The following RRM2 variants were observed in gnomAD, a reference collection of about 807,000 sequenced individuals.
RRM2 encodes the protein ribonucleoside-diphosphate reductase subunit M2.
In RRM2, 6 loss-of-function variants were observed where a neutral mutation model predicts 45.9. That is an observed-to-expected ratio of 0.13 (90% CI 0.07 to 0.26). RRM2 has a LOEUF of 0.26. Ranked by LOEUF, RRM2 falls within the 10% of genes least tolerant of loss-of-function variation. RRM2 has a pLI of 1.00. For synonymous variants in RRM2, 177 were observed against 173.0 expected (o/e 1.02, Z -0.18); for missense variants, 343 against 489.5 (o/e 0.70, Z 2.82).
chr2:10,125,719 A>G (rs1240308116), intron 5 of RRM2, among the ~76,000 whole-genome samples: 1 of 152,208 alleles, frequency 6.6e-6, no homozygotes, highest in Non-Finnish European at 1.5e-5. Flanking sequence ...GGGGACCAGA[A>G]CCTTGTATGG....
rs1425037206 is a variant in RRM2, at chr2:10,204,587, C to G, written n.483-5724C>G. On this transcript the variant is annotated intron_variant and non_coding_transcript_variant, in intron 3 of 3. Coordinates refer to the RRM2 transcript ENST00000381786. This position sits in a 1 kb window ranked among gnomAD's most constrained non-coding sequence, Gnocchi z 4.0. ...TGGGTGCAGGGAGGTGCGGTTTGCT[C>G]TCAGAGGAGCAGCTAGCTGGGAGCA... 1.3e-5 allele frequency among the ~76,000 whole-genome samples: 2 copies of G among 152,202 alleles called. No individual in the cohort carries two copies. Among genetic ancestry groups the G allele is most frequent in the Non-Finnish European group, 2.9e-5 (2 of 68,038 alleles).
At chr2:10,148,940 G>A (rs1011955127) in intron 3 of RRM2, among the ~76,000 whole-genome samples, 8 of 152,022 alleles carry the variant, frequency 5.3e-5, no homozygotes, top group African/African-American at 1.7e-4. Context: ...CCTCAGTCTT[G>A]TTCTCAGTGT....
rs184693492 is a variant in RRM2, at chr2:10,173,688, C to T, written n.482+31313C>T. Among the ~76,000 whole-genome samples the T allele has an allele frequency of 2.3e-4, 35 of 152,394 alleles. No individual in the cohort carries two copies. The East Asian group carries it at 6.6e-3, about 29-fold the overall frequency. On this transcript the variant is annotated intron_variant and non_coding_transcript_variant, in intron 3 of 3. Coordinates refer to the RRM2 transcript ENST00000381786. ...TCCGCGGGCACCCCCGATGCACAGTCTCCTTCTGGGCTTCTGATGGCCACA... is the reference window on the plus strand; with the variant it reads ...TCCGCGGGCACCCCCGATGCACAGTTTCCTTCTGGGCTTCTGATGGCCACA...
chr2:10,125,921 C>T (rs1662768248), intron 5 of RRM2, among the ~76,000 whole-genome samples: 1 of 151,900 alleles, frequency 6.6e-6, no homozygotes, highest in Non-Finnish European at 1.5e-5. Context: ...AGAAGGGGAA[C>T]AGGAAGGTCT....
intron 3 of RRM2, among the ~76,000 whole-genome samples, chr2:10,184,395 G>A (rs1258280236): frequency 6.6e-6 from 1 of 152,240 alleles, no homozygotes; most frequent in Non-Finnish European, 1.5e-5. Context: ...TCCTGGGAGT[G>A]GGGGGACCAA....
upstream of RRM2, among the ~76,000 whole-genome samples, chr2:10,137,141 C>T (rs1048638205): frequency 7.9e-5 from 12 of 152,340 alleles, no homozygotes; most frequent in African/African-American, 2.4e-4. Context: ...GCACAGCCAC[C>T]GTGGGGCAGA....
chr2:10,173,567 A>AC (rs1023641362), intron 3 of RRM2, among the ~76,000 whole-genome samples: 1 of 151,792 alleles, frequency 6.6e-6, no homozygotes, highest in Admixed American at 6.6e-5. Context: ...TCTTCCCACC[A>AC]CCCCTGGGCA....
intron 3 of RRM2, among the ~76,000 whole-genome samples, chr2:10,180,407 TA>T (rs1008596881): frequency 4.6e-5 from 7 of 152,076 alleles, no homozygotes; most frequent in African/African-American, 1.7e-4. Flanking sequence ...ACCAAATGGT[TA>T]AAAAAAATTC....
chr2:10,195,173 C>T lies in RRM2; in HGVS notation n.483-15138C>T, dbSNP rs1443580277. ...CTGGGGAGCTACCGAGGGCAACAGG[C>T]ATGTTCTGGAAGACCCACCGTCTGA... is the stretch of plus-strand genomic sequence containing the variant. On this transcript the variant is annotated intron_variant and non_coding_transcript_variant, in intron 3 of 3. Transcript: ENST00000381786. The surrounding 1 kb of genome is among the most constrained non-coding windows in gnomAD (Gnocchi z 4.9). 6.6e-6 allele frequency among the ~76,000 whole-genome samples: 1 copy of T among 152,182 alleles called. No individual in the cohort carries two copies. Among genetic ancestry groups the T allele is most frequent in the South Asian group, 2.1e-4 (1 of 4,812 alleles).
chr2:10,126,008 C>T (rs751444885), intron 5 of RRM2, among the ~76,000 whole-genome samples: 8 of 151,598 alleles, frequency 5.3e-5, no homozygotes, highest in East Asian at 1.9e-4. Context: ...AAAGAATGAA[C>T]GACAGCTGGG....
At chr2:10,151,096 C>T (rs1375091469) in intron 3 of RRM2, among the ~76,000 whole-genome samples, 3 of 152,092 alleles carry the variant, frequency 2.0e-5, no homozygotes, top group African/African-American at 4.8e-5. Context: ...TACAGGCATG[C>T]GCCACCACGC....
chr2:10,161,666 GCACACACACACATTCACACA>G (rs1314201242), intron 3 of RRM2, among the ~76,000 whole-genome samples: 1 of 147,376 alleles, frequency 6.8e-6, no homozygotes, highest in Non-Finnish European at 1.5e-5. Flanking sequence ...TCACACTCAT[GCACACACACACATTCACACA>G]CACACACACA....
intron 3 of RRM2, among the ~76,000 whole-genome samples, chr2:10,162,551 G>A (rs986767156): frequency 2.6e-5 from 4 of 152,118 alleles, no homozygotes; most frequent in South Asian, 2.1e-4. Flanking sequence ...CGATGCACCC[G>A]CTGTTTAGTG....
chr2:10,172,982 C>G lies in RRM2; in HGVS notation n.482+30607C>G, dbSNP rs996382198. Among the ~76,000 whole-genome samples the G allele has an allele frequency of 6.6e-6, 1 of 152,212 alleles. No individual in the cohort carries two copies. On this transcript the variant is annotated intron_variant and non_coding_transcript_variant, in intron 3 of 3. Transcript: ENST00000381786. This position sits in a 1 kb window ranked among gnomAD's most constrained non-coding sequence, Gnocchi z 4.9. ...CAGTTTCCTTCGCCGTCTTCCTTGT[C>G]TGTCCTCTCCTGCCGCCTCCATTCA... is the stretch of plus-strand genomic sequence containing the variant.
At chr2:10,190,732 C>T (rs111770811) in intron 3 of RRM2, among the ~76,000 whole-genome samples, 1 of 3,246 alleles carries the variant, frequency 3.1e-4, no homozygotes, top group African/African-American at 6.9e-4. Context: ...ATGATCTTGG[C>T]GGTGATGGTG....
rs1043499207 is a variant in RRM2, at chr2:10,169,988, C to T, written n.482+27613C>T. Among the ~76,000 whole-genome samples, 1 of 152,184 alleles carries T rather than the reference C, an allele frequency of 6.6e-6. No homozygotes were observed. The highest frequency in any genetic ancestry group is 1.5e-5 in the Non-Finnish European group (1 of 68,038). ...TGGTTCTGATCCAGATTCTGGTACC[C>T]GAGTGAGCTAGGCCACGGGAGCAGC... On this transcript the variant is annotated intron_variant and non_coding_transcript_variant, in intron 3 of 3. Transcript: ENST00000381786. This position sits in a 1 kb window ranked among gnomAD's most constrained non-coding sequence, Gnocchi z 5.1.
intron 3 of RRM2, chr2:10,145,932 C>T (rs1663177332): frequency 6.6e-6 from 1 of 152,276 alleles, no homozygotes; most frequent in Non-Finnish European, 1.5e-5. Flanking sequence ...ACTGTGGATC[C>T]AAGGCTGCCC....
chr2:10,157,482 T>C (rs1291388791), intron 3 of RRM2, among the ~76,000 whole-genome samples: 1 of 152,196 alleles, frequency 6.6e-6, no homozygotes, highest in Non-Finnish European at 1.5e-5. Flanking sequence ...AGGAAACCCC[T>C]CTTGGCTCCT....
intron 3 of RRM2, among the ~76,000 whole-genome samples, chr2:10,175,763 A>ATT (rs59804995): frequency 3.7e-4 from 55 of 149,768 alleles, no homozygotes; most frequent in South Asian, 6.3e-4. Context: ...CGCTCAGCTA[A>ATT]TTTTTTTTTT....
Sources: allele counts gnomAD v4.1 joint callset (sites outside exome capture counted in the v4.1 genomes callset), GRCh38; gene constraint gnomAD v4.1.1; non-coding constraint Gnocchi (gnomAD v3.1); transcripts MANE v1.5; gene names NCBI Gene and HGNC (gene_info 2026-07-23, HGNC 2026-07-21).